The following AHCTF1 variants were observed in gnomAD, a reference collection of about 807,000 sequenced individuals.
AHCTF1 encodes AT-hook containing transcription factor 1, also known as protein ELYS.
In AHCTF1, 24 loss-of-function variants were observed where a neutral mutation model predicts 248.4. That is an observed-to-expected ratio of 0.10 (90% CI 0.07 to 0.14). The LOEUF is 0.14. Ranked by LOEUF, AHCTF1 falls within the 10% of genes least tolerant of loss-of-function variation. The probability of loss-of-function intolerance (pLI) is 1.00; values close to 1 mark genes in which losing one functional copy is unlikely to be tolerated. For synonymous variants in AHCTF1, 786 were observed against 929.8 expected, an observed-to-expected ratio of 0.85 and a Z score of 2.81; for missense variants, 2,206 against 2,636.2, an observed-to-expected ratio of 0.84 and a Z score of 3.57.
intron 11 of AHCTF1, among the ~76,000 whole-genome samples, chr1:246,899,007 T>TG (rs944043249): frequency 2.0e-5 from 3 of 152,162 alleles, no homozygotes; most frequent in Admixed American, 6.5e-5. Flanking sequence ...AAGAATCACT[T>TG]GAACCTGGGT....
intron 12 of AHCTF1, among the ~76,000 whole-genome samples, chr1:246,897,189 T>C (rs1664642258): frequency 6.6e-6 from 1 of 152,096 alleles, no homozygotes; most frequent in Admixed American, 6.5e-5. Flanking sequence ...GGCACACGCC[T>C]CTAGTTCCAG....
intron 12 of AHCTF1, among the ~76,000 whole-genome samples, chr1:246,897,708 AG>A (rs1664685502): frequency 6.6e-6 from 1 of 152,268 alleles, no homozygotes; most frequent in African/African-American, 2.4e-5. Flanking sequence ...AGGCTGGGCA[AG>A]GTGGCTCATG....
chr1:246,869,034 C>CG (rs902990004), intron 24 of AHCTF1, among the ~76,000 whole-genome samples: 1 of 151,092 alleles, frequency 6.6e-6, no homozygotes, highest in Non-Finnish European at 1.5e-5. Flanking sequence ...TTAGTAGAGA[C>CG]GGGGTTTCAC....
chr1:246,865,609 A>G (rs1271925300), intron 26 of AHCTF1, among the ~76,000 whole-genome samples: 2 of 152,188 alleles, frequency 1.3e-5, no homozygotes, highest in African/African-American at 4.8e-5. Context: ...CCAAAGGAAC[A>G]CTGTTAAATG....
At chr1:246,919,300 T>C (rs916375591) in intron 1 of AHCTF1, among the ~76,000 whole-genome samples, 16 of 152,160 alleles carry the variant, frequency 1.1e-4, no homozygotes, top group African/African-American at 3.9e-4. Context: ...ACAATACCCA[T>C]TGTACAGGAT....
chr1:246,847,302 C>CAA (rs1021928623), intron 33 of AHCTF1, among the ~76,000 whole-genome samples: 1 of 108,236 alleles, frequency 9.2e-6, no homozygotes, highest in African/African-American at 6.3e-5. Context: ...AAAAAAAAAA[C>CAA]AAACAAAAAA....
intron 16 of AHCTF1, 62 bp from the exon 17 acceptor site, chr1:246,890,121 A>G: frequency 1.7e-6 from 2 of 1,162,740 alleles, no homozygotes; most frequent in Admixed American, 2.0e-5. Flanking sequence ...AACAATACAT[A>G]TTAATATTTT....
chr1:246,862,841 G>A (rs1366198926), intron 27 of AHCTF1, among the ~76,000 whole-genome samples: 1 of 152,286 alleles, frequency 6.6e-6, no homozygotes, highest in East Asian at 1.9e-4. Flanking sequence ...ACCAAATTAT[G>A]TATCAGAATC....
chr1:246,839,357 T>C lies in AHCTF1; in HGVS notation c.*1449A>G, dbSNP rs1239656280. On this transcript the variant is annotated 3_prime_UTR_variant, in exon 36 of 36. Transcript: ENST00000648844. ...TTATTGTGCTACTTGCGCAAAGGAA[T>C]TGTTTACTGAATTATGTTTAGCTCT... 2 of 185,784 alleles carry C rather than the reference T, an allele frequency of 1.1e-5. No homozygotes were observed. The highest frequency in any genetic ancestry group is 4.8e-5 in the African/African-American group (2 of 42,018). The allele number at this position is 185,784 out of a possible 1,614,324, so 11.5% of individuals were successfully genotyped here. A position where few individuals can be genotyped will look rare whatever the true frequency, so the allele number is the denominator to read the frequency against.
At chr1:246,849,257 T>C (rs1269360338) in intron 33 of AHCTF1, among the ~76,000 whole-genome samples, 1 of 152,212 alleles carries the variant, frequency 6.6e-6, no homozygotes, top group East Asian at 1.9e-4. Flanking sequence ...GTTGTGGATA[T>C]CACTGGGGTG....
Position 246,877,046 on chromosome 1 carries a change from G to A in AHCTF1, c.2841C>T (p.Ser947=), listed in dbSNP as rs567966330. The A allele has an allele frequency of 7.8e-5, 126 of 1,612,154 alleles. 4 individuals are homozygous for A. The South Asian group carries it at 1.2e-3, about 15-fold the overall frequency. The part of the protein sequence containing the change: ...CLVKFLQSSA[S]VQNHEFLLVH... The stretch of plus-strand genomic sequence containing the variant: ...CTAAAAGGAATTCATGATTCTGAAC[G>A]CTGGCACTGGACTGCAAAAATTTCA... The change falls in exon 23 of 36, where the codon AGC becomes AGT. Residue 947 remains serine (S), a synonymous_variant. Coordinates refer to ENST00000648844, the MANE Select transcript of AHCTF1 (RefSeq NM_001323342.2).
rs746416283 is a variant in AHCTF1, at chr1:246,850,165, A to T, written c.5841T>A (p.Asp1947Glu). 1 of 1,613,938 alleles carries T rather than the reference A, an allele frequency of 6.2e-7. No individual in the cohort carries two copies. The highest frequency in any genetic ancestry group is 2.2e-5 in the East Asian group (1 of 44,870). ...RVRGREVSPS[D>E]VREDSNLESS... ...ACTCAAGGTTGGAGTCTTCTCTCACATCTGATGGACTAACTTCTCTCCCTC... is the reference window on the plus strand; with the variant it reads ...ACTCAAGGTTGGAGTCTTCTCTCACTTCTGATGGACTAACTTCTCTCCCTC... The change falls in exon 33 of 36, where the codon GAT becomes GAA. Residue 1947 changes from aspartate (D) to glutamate (E), a missense_variant. This residue lies in a region of AHCTF1 where 469 missense variants were observed against 470.0 expected (regional missense o/e 1.00). Coordinates refer to ENST00000648844, the MANE Select transcript of AHCTF1 (RefSeq NM_001323342.2).
Position 246,849,978 on chromosome 1 carries a change from T to C in AHCTF1, c.6028A>G (p.Thr2010Ala), listed in dbSNP as rs763029669. The change falls in exon 33 of 36, where the codon ACA (threonine) becomes GCA (alanine). Residue 2010 changes from threonine (T) to alanine (A), a missense_variant. Physicochemically the swap from Thr to Ala is moderately conservative, Grantham distance 58. This residue lies in a region of AHCTF1 where 469 missense variants were observed against 470.0 expected (regional missense o/e 1.00). Transcript: ENST00000648844. Reference sequence around the variant, plus strand: ...TCACTTTTAGCTGGGGTATTTCTTGTAGATCTCCTTCTAATGCTGGGAGCT... The same window carrying C: ...TCACTTTTAGCTGGGGTATTTCTTGCAGATCTCCTTCTAATGCTGGGAGCT... ...KEAPSIRRRS[T>A]RNTPAKSENV... The C allele has an allele frequency of 7.4e-6, 12 of 1,613,872 alleles. No individual in the cohort carries two copies. The highest frequency in any genetic ancestry group is 8.5e-6 in the Non-Finnish European group (10 of 1,179,872).
chr1:246,888,102 G>T, intron 19 of AHCTF1, 75 bp downstream of exon 19: 1 of 1,504,772 alleles, frequency 6.6e-7, no homozygotes, highest in Non-Finnish European at 9.1e-7. Context: ...AATTAGATAT[G>T]TCAGGTTTCC....
At chr1:246,861,889 CTT>C in intron 28 of AHCTF1, 68 bp downstream of exon 28, 2 of 1,312,682 alleles carry the variant, frequency 1.5e-6, no homozygotes, top group Non-Finnish European at 2.1e-6. Context: ...ATTTATCTAA[CTT>C]TTTACTTGTC....
intron 1 of AHCTF1, among the ~76,000 whole-genome samples, chr1:246,929,410 A>AAAAAAT (rs10666626): frequency 0.54 from 80,384 of 149,064 alleles, 22,416 homozygotes; most frequent in African/African-American, 0.67. Context: ...CTCCGTCTCA[A>AAAAAAT]AAAAATAAAA....
At chr1:246,919,163 T>C (rs1007298395) in intron 1 of AHCTF1, among the ~76,000 whole-genome samples, 1 of 152,204 alleles carries the variant, frequency 6.6e-6, no homozygotes, top group African/African-American at 2.4e-5. Flanking sequence ...CTGGGAACCC[T>C]GATCTTATTC....
intron 5 of AHCTF1, among the ~76,000 whole-genome samples, chr1:246,906,577 A>AC (rs1049671144): frequency 5.3e-5 from 8 of 151,948 alleles, no homozygotes; most frequent in South Asian, 4.2e-4. Context: ...GTGAGACCCC[A>AC]CCCCCCAAAA....
intron 21 of AHCTF1, among the ~76,000 whole-genome samples, chr1:246,884,716 A>G (rs935560569): frequency 6.6e-6 from 1 of 152,228 alleles, no homozygotes; most frequent in African/African-American, 2.4e-5. Context: ...AGAGAACATT[A>G]AAATCTGCAA....
Sources: allele counts gnomAD v4.1 joint callset (sites outside exome capture counted in the v4.1 genomes callset), GRCh38; gene constraint gnomAD v4.1.1; regional missense constraint gnomAD v4.1.1; transcripts MANE v1.5; gene names NCBI Gene and HGNC (gene_info 2026-07-23, HGNC 2026-07-21).